NTRK3: variants seen among roughly 807,000 people sequenced by gnomAD.
NTRK3 encodes the protein neurotrophic receptor tyrosine kinase 3.
In NTRK3, 24 loss-of-function variants were observed where a neutral mutation model predicts 91.7. The observed-to-expected ratio is 0.26, with a 90% confidence interval of 0.19 to 0.37. The LOEUF is 0.37. NTRK3 is among the 10% of genes least tolerant of loss of function. The pLI is 1.00. For missense variants in NTRK3, 880 were observed against 1,068.9 expected, an observed-to-expected ratio of 0.82 and a Z score of 2.46; for synonymous variants, 483 against 404.0, an observed-to-expected ratio of 1.20 and a Z score of -2.34.
chr15:88,168,905 T>A (rs978686733), intron 5 of NTRK3, among the ~76,000 whole-genome samples: 4 of 152,258 alleles, frequency 2.6e-5, no homozygotes, highest in Non-Finnish European at 5.9e-5. Flanking sequence ...ACTCACTGGA[T>A]GTCTTTGGCC....
At chr15:87,933,280 T>A in intron 15 of NTRK3, 96 bp from the exon 16 acceptor site, 2 of 1,188,272 alleles carry the variant, frequency 1.7e-6, no homozygotes, top group Non-Finnish European at 2.4e-6. Context: ...CACCACTGGG[T>A]TACCAATAAA....
At chr15:87,879,236 T>C in intron 18 of NTRK3, among the ~76,000 whole-genome samples, 1 of 152,158 alleles carries the variant, frequency 6.6e-6, no homozygotes, top group East Asian at 1.9e-4. Flanking sequence ...TGTTGAATAT[T>C]CAAATAAGAT....
At chr15:87,892,540 TAC>T (rs2065903147) in intron 17 of NTRK3, among the ~76,000 whole-genome samples, 1 of 152,228 alleles carries the variant, frequency 6.6e-6, no homozygotes, top group African/African-American at 2.4e-5. Flanking sequence ...ATTAATATTT[TAC>T]ATTTTATCTT....
rs146914047 is a variant in NTRK3, at chr15:88,072,707, A to G, written c.1397-39662T>C. 1,209 of 232,758 alleles carry G rather than the reference A, an allele frequency of 5.2e-3. 6 individuals carry two copies. Among genetic ancestry groups the G allele is most frequent in the Middle Eastern group, 0.013 (10 of 786 alleles). The allele number at this position is 232,758 out of a possible 1,614,324, so 14.4% of individuals were successfully genotyped here. A position where few individuals can be genotyped will look rare whatever the true frequency, so the allele number is the denominator to read the frequency against. ...GAAGTTGTACCAAGAGGGCAGAGGT[A>G]TGATGGGCACTTGAAGGCTGAGAGG... On this transcript the variant is annotated intron_variant, in intron 13 of 18. Transcript: ENST00000394480.
At chr15:88,177,384 G>C (rs75058743) in intron 5 of NTRK3, among the ~76,000 whole-genome samples, 2,588 of 152,332 alleles carry the variant, frequency 0.017, 64 homozygotes, top group African/African-American at 0.059. Flanking sequence ...CAGTGTCAGA[G>C]GAGGGGATGA....
chr15:87,868,738 G>A (rs2064752255), exon 19 of NTRK3: 1 of 222,094 alleles, frequency 4.5e-6, no homozygotes, highest in Admixed American at 5.8e-5. Context: ...GAATTATAGA[G>A]TGAGTCTGGC....
chr15:87,972,410 T>C (rs1196478027), intron 14 of NTRK3, among the ~76,000 whole-genome samples: 1 of 152,172 alleles, frequency 6.6e-6, no homozygotes, highest in East Asian at 1.9e-4. Context: ...GAACGATGCC[T>C]TTGGGCAGCC....
At chr15:88,005,645 T>C (rs1199500720) in intron 14 of NTRK3, among the ~76,000 whole-genome samples, 1 of 152,074 alleles carries the variant, frequency 6.6e-6, no homozygotes, top group African/African-American at 2.4e-5. Context: ...AATCCTGGAA[T>C]ACCTGACATC....
rs1023371194 is a variant in NTRK3, at chr15:88,255,656, C to A, written c.248+250G>T. Among the ~76,000 whole-genome samples, 27 of 152,138 alleles carry A rather than the reference C, an allele frequency of 1.8e-4. No individual in the cohort carries two copies. Among genetic ancestry groups the A allele is most frequent in the African/African-American group, 6.0e-4 (25 of 41,440 alleles). On this transcript the variant is annotated intron_variant, in intron 3 of 18. Transcript: ENST00000394480. This position sits in a 1 kb window ranked among gnomAD's most constrained non-coding sequence, Gnocchi z 4.3. ...GCGGTAGCTGGGCCCCGCGTGCCCT[C>A]GGCGGCCGGGGTCCTCTCCGGGGAG...
chr15:88,167,374 A>T (rs974686568), intron 5 of NTRK3, among the ~76,000 whole-genome samples: 3 of 152,146 alleles, frequency 2.0e-5, no homozygotes, highest in African/African-American at 4.8e-5. Context: ...TGTTGGCAGC[A>T]GCATAGGAAA....
At chr15:88,124,440 C>T (rs2053069402) in intron 13 of NTRK3, among the ~76,000 whole-genome samples, 1 of 152,204 alleles carries the variant, frequency 6.6e-6, no homozygotes, top group Admixed American at 6.5e-5. Context: ...TAGGAAAAAT[C>T]TGCTCTTACA....
chr15:87,930,190 G>A (rs1436039385), intron 16 of NTRK3, among the ~76,000 whole-genome samples: 3 of 152,156 alleles, frequency 2.0e-5, no homozygotes, highest in Non-Finnish European at 4.4e-5. Context: ...GAGAGCCTCT[G>A]ACCTTGAAGC....
rs1387118758 is a variant in NTRK3, at chr15:87,938,277, A to G, written c.1716+2346T>C. ...ACTGCTGGGCAAAACATTTTTGCCAATTGATTTGGGAAAACTTTATTGTGG... is the reference window on the plus strand; with the variant it reads ...ACTGCTGGGCAAAACATTTTTGCCAGTTGATTTGGGAAAACTTTATTGTGG... On this transcript the variant is annotated intron_variant, in intron 15 of 18. Coordinates refer to ENST00000394480, the Ensembl canonical transcript of NTRK3. Among the ~76,000 whole-genome samples, 4 of 152,194 alleles carry G rather than the reference A, an allele frequency of 2.6e-5. No individual in the cohort carries two copies. The South Asian group carries it at 8.3e-4, about 32-fold the overall frequency.
chr15:88,122,887 A>G (rs1290074874), intron 13 of NTRK3, among the ~76,000 whole-genome samples: 2 of 152,220 alleles, frequency 1.3e-5, no homozygotes, highest in Admixed American at 6.5e-5. Flanking sequence ...TTCAACAAGC[A>G]ATTGTCAAAT....
intron 3 of NTRK3, among the ~76,000 whole-genome samples, chr15:88,219,922 A>G (rs1559822): frequency 0.89 from 134,719 of 152,210 alleles, 59,687 homozygotes; most frequent in East Asian, 0.99. Context: ...GCTCTCACTG[A>G]AGAACTTGCA....
At chr15:87,876,479 C>A (rs913776010) in exon 19 of NTRK3, 29 of 226,882 alleles carry the variant, frequency 1.3e-4, no homozygotes, top group African/African-American at 6.2e-4. Context: ...TCCTCCCGTC[C>A]CAGAGCTCTC....
exon 19 of NTRK3, chr15:87,875,098 A>AT (rs774369984): frequency 8.7e-6 from 2 of 230,532 alleles, no homozygotes. Flanking sequence ...TAAACCCCAC[A>AT]TAGGGAGGCC....
intron 14 of NTRK3, among the ~76,000 whole-genome samples, chr15:87,993,552 C>T (rs554020069): frequency 6.6e-5 from 10 of 152,226 alleles, no homozygotes; most frequent in Admixed American, 2.6e-4. Flanking sequence ...TTGATGGAAG[C>T]ATACTCATAC....
In NTRK3 at chr15:87,874,892, G is replaced by C. The variant is rs563385555; in HGVS notation, c.*2043C>G. The stretch of plus-strand genomic sequence containing the variant: ...CAGCTTTCCTGCAAAGTCCTCAGGG[G>C]CTAGGAGCACAGCACAGTGAGAAAA... On this transcript the variant is annotated 3_prime_UTR_variant, in exon 19 of 19. Coordinates refer to ENST00000394480, the Ensembl canonical transcript of NTRK3. The C allele has an allele frequency of 1.7e-4, 40 of 232,352 alleles. No homozygotes were observed. In the South Asian group the frequency reaches 3.6e-3, roughly 21 times the overall value. The allele number at this position is 232,352 out of a possible 1,614,324, so 14.4% of individuals were successfully genotyped here. A position where few individuals can be genotyped will look rare whatever the true frequency, so the allele number is the denominator to read the frequency against.
Sources: gnomAD v4.1 joint callset for allele counts (sites outside exome capture counted in the v4.1 genomes callset) on GRCh38, gnomAD v4.1.1 for gene constraint, Gnocchi (gnomAD v3.1) non-coding constraint, MANE v1.5 for transcripts, NCBI Gene and HGNC (gene_info 2026-07-23, HGNC 2026-07-21) for gene names.